Variants in VWF observed in about 807,000 individuals in gnomAD.
VWF encodes the protein von Willebrand factor, also known as Factor VIII related antigen.
VWF carries 176 observed loss-of-function variants against 308.6 expected under a neutral mutation model. The ratio of observed to expected loss-of-function variants is 0.57; its 90% CI spans 0.50 to 0.65. VWF has a LOEUF of 0.65. VWF is among the 30% of genes least tolerant of loss of function. The pLI is 0.00. For missense variants in VWF, 3,146 were observed against 3,648.2 expected, an observed-to-expected ratio of 0.86 and a Z score of 3.55; for synonymous variants, 1,385 against 1,443.4, an observed-to-expected ratio of 0.96 and a Z score of 0.92.
Position 6,101,841 on chromosome 12 carries a change from G to GA in VWF, c.533-6258dup, listed in dbSNP as rs978198354. ...CATATTTCTCACAGTTCCCAAAGGA[G>GA]AAAAAAATGACTGAAAATGTTCTAA... On this transcript the variant is annotated intron_variant, in intron 5 of 51. Transcript: ENST00000261405. 2.6e-5 allele frequency among the ~76,000 whole-genome samples: 4 copies of GA among 151,282 alleles called. No individual in the cohort carries two copies. In the East Asian group the frequency reaches 6.0e-4, roughly 23 times the overall value.
chr12:6,034,564 C>T, intron 20 of VWF, 124 bp downstream of exon 20: 3 of 1,445,284 alleles, frequency 2.1e-6, no homozygotes, highest in Non-Finnish European at 2.9e-6. Context: ...CTGGGAAGTA[C>T]TCCAGTAGAA....
rs371367140 is a variant in VWF at position 6,063,642 on chromosome 12, G to A, written c.1433-588C>T. On this transcript the variant is annotated intron_variant, in intron 12 of 51. Coordinates refer to ENST00000261405, the MANE Select transcript of VWF (RefSeq NM_000552.5). This position sits in a 1 kb window ranked among gnomAD's most constrained non-coding sequence, Gnocchi z 4.9. ...TGTGTGCAATGCTAGGATAATGGGC[G>A]ACAAAGTGGCCAGCAGTTGTGGAGA... Among the ~76,000 whole-genome samples, 36 of 152,312 alleles carry A rather than the reference G, an allele frequency of 2.4e-4. No homozygotes were observed. Among genetic ancestry groups the A allele is most frequent in the African/African-American group, 6.0e-4 (25 of 41,564 alleles).
rs371036946 is a variant in VWF, at chr12:5,949,091, G to C, written c.8366C>G (p.Thr2789Ser). 2.6e-5 allele frequency: 42 copies of C among 1,614,254 alleles called. No individual in the cohort carries two copies. The Admixed American group carries it at 3.3e-4, about 13-fold the overall frequency. The change falls in exon 52 of 52, where the codon ACC (threonine) becomes AGC (serine). Residue 2789 changes from threonine (T) to serine (S), a missense_variant. By Grantham distance (58) the Thr-to-Ser change is moderately conservative. Around this residue, in one of 3 missense-constraint regions of VWF, gnomAD observed 989 missense variants for 1,117.4 expected, o/e 0.89. Coordinates refer to ENST00000261405, the MANE Select transcript of VWF (RefSeq NM_000552.5). ...CTCATGGTACACAACAGAGCCATTG[G>C]TGCAGTGCAGGGCCACCTGCATGGG... The part of the protein sequence containing the change: ...TEPMQVALHC[T>S]NGSVVYHEVL...
intron 36 of VWF, 94 bp from the exon 37 acceptor site, chr12:5,994,297 G>C (rs1486517926): frequency 6.3e-7 from 1 of 1,590,852 alleles, no homozygotes; most frequent in African/African-American, 1.3e-5. Context: ...ATCCTCACCA[G>C]AATCTGACCC....
chr12:5,998,181 G>T (rs1225333570), intron 34 of VWF, among the ~76,000 whole-genome samples: 1 of 151,846 alleles, frequency 6.6e-6, no homozygotes, highest in East Asian at 1.9e-4. Context: ...TAGCCAAAGT[G>T]GGCCCTAATA....
At chr12:6,028,987 C>T (rs1024053704) in intron 22 of VWF, among the ~76,000 whole-genome samples, 3 of 151,952 alleles carry the variant, frequency 2.0e-5, no homozygotes, top group Non-Finnish European at 2.9e-5. Flanking sequence ...AGAGTCAAGA[C>T]CCATCAGTGT....
chr12:6,016,946 C>T, intron 28 of VWF, 76 bp from the exon 29 acceptor site: 1 of 1,492,254 alleles, frequency 6.7e-7, no homozygotes, highest in Non-Finnish European at 9.3e-7. Context: ...ACCTGACATC[C>T]AATAGGATCT....
chr12:5,996,851 A>G (rs1466911745), intron 34 of VWF, among the ~76,000 whole-genome samples: 1 of 152,028 alleles, frequency 6.6e-6, no homozygotes, highest in Non-Finnish European at 1.5e-5. Context: ...CTATTAAAAC[A>G]TTATTGGTGA....
At chr12:6,059,863 C>A (rs1354630329) in intron 13 of VWF, among the ~76,000 whole-genome samples, 1 of 152,260 alleles carries the variant, frequency 6.6e-6, no homozygotes, top group East Asian at 1.9e-4. Flanking sequence ...TCCTGATGTG[C>A]TGGAATGCAA....
At chr12:6,122,521 AGT>A (rs1565397543) in intron 2 of VWF, among the ~76,000 whole-genome samples, 1 of 152,174 alleles carries the variant, frequency 6.6e-6, no homozygotes, top group Non-Finnish European at 1.5e-5. Context: ...AGATGCAGAG[AGT>A]GTGACAAATG....
At chr12:6,045,456 C>T (rs867081143) in intron 17 of VWF, among the ~76,000 whole-genome samples, 4 of 152,104 alleles carry the variant, frequency 2.6e-5, no homozygotes, top group African/African-American at 4.8e-5. Context: ...AGCAGAAGCA[C>T]GGAAGGTAGG....
intron 50 of VWF, 118 bp downstream of exon 50, chr12:5,951,726 A>C: frequency 1.8e-6 from 2 of 1,139,916 alleles, no homozygotes; most frequent in Non-Finnish European, 1.3e-6. Flanking sequence ...TCTGAAATAA[A>C]GCTTACTCCA....
intron 13 of VWF, among the ~76,000 whole-genome samples, chr12:6,059,158 T>C (rs1308475321): frequency 6.6e-6 from 1 of 152,200 alleles, no homozygotes; most frequent in Admixed American, 6.5e-5. Flanking sequence ...AATGTTTCCT[T>C]GTTTGCTTGA....
intron 15 of VWF, among the ~76,000 whole-genome samples, chr12:6,053,429 C>T (rs527635563): frequency 3.3e-5 from 5 of 152,194 alleles, no homozygotes; most frequent in Non-Finnish European, 7.3e-5. Context: ...GCTCATAACC[C>T]TTACTCTCTA....
At chr12:6,072,153 G>GCTCC (rs1565852455) in intron 9 of VWF, among the ~76,000 whole-genome samples, 178 bp downstream of exon 9, 3 of 152,054 alleles carry the variant, frequency 2.0e-5, no homozygotes, top group Non-Finnish European at 2.9e-5. Context: ...TATACTCTTT[G>GCTCC]CTCCCCATCA....
At chr12:6,033,212 T>C (rs1398921751) in intron 20 of VWF, among the ~76,000 whole-genome samples, 1 of 152,242 alleles carries the variant, frequency 6.6e-6, no homozygotes, top group Non-Finnish European at 1.5e-5. Flanking sequence ...TTTGTCCTTA[T>C]CTTCAGCTGA....
chr12:5,970,000 T>C lies in VWF; in HGVS notation c.7549-609A>G, dbSNP rs913082630. On this transcript the variant is annotated intron_variant, in intron 44 of 51. Coordinates refer to ENST00000261405, the MANE Select transcript of VWF (RefSeq NM_000552.5). ...CCCTCTGTGTCGGCCAGCACCCAGA[T>C]ATGTAACTAGGTGCCCTCTGCCGCC... Among the ~76,000 whole-genome samples, 7 of 152,188 alleles carry C rather than the reference T, an allele frequency of 4.6e-5. No individual in the cohort carries two copies. The South Asian group carries it at 6.2e-4, about 13-fold the overall frequency.
At position 6,023,645 on chromosome 12, in the gene VWF, G is replaced by A. The variant is rs183119284; in HGVS notation, c.3365C>T (p.Thr1122Met). 8.6e-5 allele frequency: 139 copies of A among 1,613,854 alleles called. No homozygotes were observed. In the East Asian group the frequency reaches 2.0e-3, roughly 23 times the overall value. Residue 1122 changes from threonine to methionine, a missense_variant, in exon 25 of 52, where the codon ACG becomes ATG. Physicochemically the swap from Thr to Met is moderately conservative, Grantham distance 81 (BLOSUM62 -1). This residue lies in a region of VWF where 853 missense variants were observed against 1,177.8 expected (regional missense o/e 0.72). Coordinates refer to ENST00000261405, the MANE Select transcript of VWF (RefSeq NM_000552.5). ...TCAGTACTCACGGCACAATGTGGCC[G>A]TCCTCCAGGTCACCACCTTGCCATG... is the stretch of plus-strand genomic sequence containing the variant. Reference protein sequence around the residue: ...AQHGKVVTWRTATLCPQSCEE... With the variant: ...AQHGKVVTWRMATLCPQSCEE...
chr12:6,044,193 C>T (rs1024960432), intron 18 of VWF, 98 bp downstream of exon 18: 188 of 1,484,814 alleles, frequency 1.3e-4, no homozygotes, highest in Admixed American at 6.4e-4. Flanking sequence ...CGTGTTTAGC[C>T]CTTGTTTCTT....
Sources: gnomAD v4.1 joint callset for allele counts (sites outside exome capture counted in the v4.1 genomes callset) on GRCh38, gnomAD v4.1.1 for gene constraint, gnomAD v4.1.1 regional missense constraint, Gnocchi (gnomAD v3.1) non-coding constraint, MANE v1.5 for transcripts, NCBI Gene and HGNC (gene_info 2026-07-23, HGNC 2026-07-21) for gene names.